SLC38A8: variants seen among roughly 807,000 people sequenced by gnomAD.
SLC38A8 encodes amino acid transporter SLC38A8.
A neutral mutation model predicts 46.0 loss-of-function variants in SLC38A8; 65 were observed. That is an observed-to-expected ratio of 1.41 (90% CI 1.16 to 1.74). The LOEUF is 1.74. SLC38A8 is among the 40% of genes most tolerant of loss of function. SLC38A8 has a pLI of 0.00. For synonymous variants in SLC38A8, 447 were observed against 243.7 expected, an observed-to-expected ratio of 1.83 and a Z score of -7.77; for missense variants, 998 against 567.9, an observed-to-expected ratio of 1.76 and a Z score of -7.70.
chr16:84,022,817 C>G lies in SLC38A8; in HGVS notation c.763G>C (p.Val255Leu). The G allele has an allele frequency of 5.0e-6, 8 of 1,613,974 alleles. No homozygotes were observed. Among genetic ancestry groups the G allele is most frequent in the South Asian group, 3.3e-5 (3 of 91,072 alleles). ...RSLSHWALVS[V>L]LSLLACCLIY... ...AGGCAGCAGGCCAGCAAGGACAGCA[C>G]AGACACCAGGGCCCAGTGGGAGAGG... is the stretch of plus-strand genomic sequence containing the variant. The change falls in exon 7 of 11, where the codon GTG becomes CTG. Residue 255 changes from valine (V) to leucine (L), a missense_variant. Transcript: ENST00000299709.
intron 10 of SLC38A8, among the ~76,000 whole-genome samples, chr16:84,011,325 G>C (rs2084950637): frequency 1.3e-5 from 2 of 152,236 alleles, no homozygotes; most frequent in Admixed American, 1.3e-4. Context: ...ACTCCGAAAA[G>C]CATCCCAGGG....
At chr16:84,037,293 G>A (rs74880588) in intron 2 of SLC38A8, among the ~76,000 whole-genome samples, 4,697 of 152,318 alleles carry the variant, frequency 0.031, 237 homozygotes, top group African/African-American at 0.11. Context: ...GGGCACAGCC[G>A]GGCTCAGGTT....
At chr16:84,010,686 G>C (rs887646471) in intron 10 of SLC38A8, among the ~76,000 whole-genome samples, 3 of 152,192 alleles carry the variant, frequency 2.0e-5, no homozygotes, top group Non-Finnish European at 2.9e-5. Context: ...AGAGGTCGCA[G>C]TGAGCCAAGA....
At chr16:84,026,905 G>A (rs536817618) in intron 6 of SLC38A8, among the ~76,000 whole-genome samples, 5 of 152,322 alleles carry the variant, frequency 3.3e-5, no homozygotes, top group East Asian at 1.9e-4. Context: ...GACTGACGGC[G>A]ATGGGTTTCT....
chr16:84,029,632 G>T, intron 5 of SLC38A8, 81 bp from the exon 6 acceptor site: 1 of 1,368,558 alleles, frequency 7.3e-7, no homozygotes. Context: ...GAATTTTAAA[G>T]GATGCTGGGA....
intron 7 of SLC38A8, among the ~76,000 whole-genome samples, chr16:84,020,868 C>T (rs969339762): frequency 2.0e-5 from 3 of 152,156 alleles, no homozygotes; most frequent in African/African-American, 4.8e-5. Flanking sequence ...TTCCTATACG[C>T]GCTGCACTCT....
chr16:84,029,705 G>A (rs1162556437), intron 5 of SLC38A8, among the ~76,000 whole-genome samples, 154 bp from the exon 6 acceptor site: 3 of 140,832 alleles, frequency 2.1e-5, no homozygotes, highest in African/African-American at 5.0e-5. Context: ...CCGGGCTTTT[G>A]GAAATGGAAA....
In SLC38A8 at chr16:84,013,943, A is replaced by G. The variant is rs572060097; in HGVS notation, c.1163-891T>C. Among the ~76,000 whole-genome samples the G allele has an allele frequency of 1.3e-3, 194 of 152,300 alleles. No homozygotes were observed. The Middle Eastern group carries it at 0.027, about 22-fold the overall frequency. ...AGTGTGAGGGAGGAGCCACGTGGCC[A>G]CAGCCTCACCTCTGAGAAGCTCCAC... is the stretch of plus-strand genomic sequence containing the variant. On this transcript the variant is annotated intron_variant, in intron 9 of 10. Coordinates refer to ENST00000299709, the MANE Select transcript of SLC38A8 (RefSeq NM_001080442.3).
chr16:84,039,743 C>CA (rs56074069), intron 2 of SLC38A8, among the ~76,000 whole-genome samples: 1,567 of 85,590 alleles, frequency 0.018, 12 homozygotes, highest in Non-Finnish European at 0.024. Context: ...GTGAGACCTT[C>CA]AAAAAAAAAA....
chr16:84,017,102 C>A (rs2085037529), intron 8 of SLC38A8, 38 bp downstream of exon 8: 5 of 1,611,024 alleles, frequency 3.1e-6, no homozygotes, highest in Admixed American at 3.3e-5. Context: ...CATCAGCAGA[C>A]CATGCTTCAC....
At chr16:84,036,987 A>G (rs914550526) in intron 2 of SLC38A8, 87 bp from the exon 3 acceptor site, 14 of 1,319,732 alleles carry the variant, frequency 1.1e-5, no homozygotes, top group Non-Finnish European at 1.2e-5. Context: ...CACTCTCCAC[A>G]TGGCTTCTCA....
chr16:84,011,179 T>C (rs1211205546), intron 10 of SLC38A8, among the ~76,000 whole-genome samples: 1 of 152,246 alleles, frequency 6.6e-6, no homozygotes, highest in Non-Finnish European at 1.5e-5. Context: ...AATGTGCCTG[T>C]GGGCTGTGGC....
intron 10 of SLC38A8, among the ~76,000 whole-genome samples, chr16:84,011,531 A>T (rs2084953396): frequency 2.0e-5 from 3 of 152,212 alleles, no homozygotes; most frequent in Non-Finnish European, 4.4e-5. Context: ...CTGGCACCCA[A>T]ATTCACGATT....
chr16:84,041,836 G>C (rs1404273422), intron 2 of SLC38A8, 133 bp downstream of exon 2: 4 of 791,806 alleles, frequency 5.1e-6, no homozygotes, highest in Admixed American at 5.2e-5. Flanking sequence ...TTAGCTGAGC[G>C]GGATAGAAAA....
At position 84,031,902 on chromosome 16, in the gene SLC38A8, G is replaced by C; in HGVS notation, c.597C>G (p.Pro199=). The C allele has an allele frequency of 3.1e-6, 5 of 1,614,184 alleles. No individual in the cohort carries two copies. The highest frequency in any genetic ancestry group is 1.1e-5 in the South Asian group (1 of 91,088). ...GATGGGACTCACGCACGAGGCCCTG[G>C]GGCCAGAGGTAGTACTGCACGGTGA... The part of the protein sequence containing the change: ...LVITVQYYLW[P]QGLVRESHPS... The change falls in exon 5 of 11, where the codon CCC becomes CCG. Residue 199 remains proline, a synonymous_variant. Transcript: ENST00000299709.
In SLC38A8 at chr16:84,032,950, G is replaced by A. The variant is rs186922045; in HGVS notation, c.530+378C>T. Among the ~76,000 whole-genome samples the A allele has an allele frequency of 1.8e-3, 253 of 137,268 alleles. 2 individuals carry two copies. The highest frequency in any genetic ancestry group is 5.2e-3 in the African/African-American group (162 of 31,320). 90.1% of individuals were successfully genotyped at this position (137,268 alleles called of 152,430 possible). A position where few individuals can be genotyped will look rare whatever the true frequency, so the allele number is the denominator to read the frequency against. On this transcript the variant is annotated intron_variant, in intron 4 of 10. Coordinates refer to ENST00000299709, the MANE Select transcript of SLC38A8 (RefSeq NM_001080442.3). ...GGTACGTGGGTGTGCATGGGTGGGT[G>A]TGGGTAGGTGGGTGTGCATGGGGGG...
chr16:84,019,067 C>G (rs1195988895), intron 7 of SLC38A8, among the ~76,000 whole-genome samples: 2 of 151,902 alleles, frequency 1.3e-5, no homozygotes, highest in African/African-American at 4.8e-5. Context: ...ACTGAAACTA[C>G]AATTTCTCCA....
chr16:84,037,353 G>A (rs2085312222), intron 2 of SLC38A8, among the ~76,000 whole-genome samples: 1 of 152,128 alleles, frequency 6.6e-6, no homozygotes, highest in Non-Finnish European at 1.5e-5. Flanking sequence ...GGCAACCTCT[G>A]CTTTTCCATC....
At chr16:84,038,617 T>C (rs1406595244) in intron 2 of SLC38A8, among the ~76,000 whole-genome samples, 1 of 152,152 alleles carries the variant, frequency 6.6e-6, no homozygotes, top group Non-Finnish European at 1.5e-5. Context: ...ATGCTCAAAG[T>C]CTTAAGTGTA....
Sources: gnomAD v4.1 joint callset for allele counts (sites outside exome capture counted in the v4.1 genomes callset) on GRCh38, gnomAD v4.1.1 for gene constraint, MANE v1.5 for transcripts, NCBI Gene and HGNC (gene_info 2026-07-23, HGNC 2026-07-21) for gene names.